Variants in MRPS27 observed in about 807,000 individuals in gnomAD.
MRPS27 encodes the protein small ribosomal subunit protein mS27.
In MRPS27, 43 loss-of-function variants were observed where a neutral mutation model predicts 48.9. That is an observed-to-expected ratio of 0.88 (90% CI 0.69 to 1.13). The LOEUF (loss-of-function observed/expected upper bound fraction) is 1.13. Among genes scored for constraint, MRPS27 ranks in the 50% most tolerant of loss-of-function variants. The pLI, the probability that MRPS27 is intolerant of heterozygous loss-of-function variation, is 0.00. For missense variants in MRPS27, 467 were observed against 476.3 expected (o/e 0.98, Z 0.18); for synonymous variants, 188 against 171.9 (o/e 1.09, Z -0.73).
chr5:72,242,665 T>TACAC (rs57589095), intron 4 of MRPS27, among the ~76,000 whole-genome samples: 9,832 of 134,172 alleles, frequency 0.073, 425 homozygotes, highest in African/African-American at 0.12. Flanking sequence ...AGACCCCGTC[T>TACAC]ACACACACAC....
intron 2 of MRPS27, among the ~76,000 whole-genome samples, chr5:72,301,069 A>G (rs1258850838): frequency 6.6e-6 from 1 of 152,258 alleles, no homozygotes; most frequent in Non-Finnish European, 1.5e-5. Flanking sequence ...GTATCAAGTA[A>G]TAAGGACACA....
In MRPS27 at chr5:72,269,189, C is replaced by T. The variant is rs1749172597; in HGVS notation, c.281+26342G>A. 2.0e-5 allele frequency among the ~76,000 whole-genome samples: 3 copies of T among 152,216 alleles called. No individual in the cohort carries two copies. The South Asian group carries it at 6.2e-4, about 32-fold the overall frequency. On this transcript the variant is annotated intron_variant, in intron 4 of 10. Transcript: ENST00000261413. ...AACAGGAACTAAAATTGGCTGTAGC[C>T]ACTGTGTACTAAGGTACAAGGCTGC...
chr5:72,259,416 C>A (rs532596447), intron 4 of MRPS27, among the ~76,000 whole-genome samples: 1 of 146,616 alleles, frequency 6.8e-6, no homozygotes, highest in East Asian at 2.0e-4. Context: ...TGCAGTGAGC[C>A]AAGATCATGC....
At chr5:72,303,882 CAAAAAAAAAAAA>C (rs397818748) in intron 2 of MRPS27, among the ~76,000 whole-genome samples, 1 of 69,164 alleles carries the variant, frequency 1.4e-5, no homozygotes, top group East Asian at 4.3e-4. Context: ...GACCTCATCT[CAAAAAAAAAAAA>C]AAAAAAAAAA....
chr5:72,265,565 A>G (rs1466835132), intron 4 of MRPS27, among the ~76,000 whole-genome samples: 1 of 152,248 alleles, frequency 6.6e-6, no homozygotes, highest in African/African-American at 2.4e-5. Context: ...GGCTATTCTC[A>G]AAATATGTGA....
intron 4 of MRPS27, among the ~76,000 whole-genome samples, chr5:72,266,540 T>C (rs1422649581): frequency 3.3e-5 from 5 of 152,170 alleles, no homozygotes; most frequent in African/African-American, 9.7e-5. Flanking sequence ...GAAAATGTTA[T>C]TGAACTACAG....
chr5:72,295,594 A>C lies in MRPS27; in HGVS notation c.223-5T>G. Reference sequence around the variant, plus strand: ...AGAGGAAATGTTGTCTATAAGCTAAAAGACAGAAAAAGAAACCTTTGGTTG... The same window carrying C: ...AGAGGAAATGTTGTCTATAAGCTAACAGACAGAAAAAGAAACCTTTGGTTG... On this transcript the variant is annotated splice_region_variant and splice_polypyrimidine_tract_variant and intron_variant, in intron 3 of 10. Coordinates refer to ENST00000261413, the MANE Select transcript of MRPS27 (RefSeq NM_015084.3). The C allele has an allele frequency of 6.2e-7, 1 of 1,601,636 alleles. No individual in the cohort carries two copies. Among genetic ancestry groups the C allele is most frequent in the East Asian group, 2.2e-5 (1 of 44,744 alleles).
intron 4 of MRPS27, among the ~76,000 whole-genome samples, chr5:72,254,217 G>C (rs1398657054): frequency 6.6e-6 from 1 of 152,216 alleles, no homozygotes; most frequent in Admixed American, 6.5e-5. Flanking sequence ...TATAAAACCA[G>C]CACGAAGGAA....
chr5:72,319,102 A>G (rs1399001869), intron 1 of MRPS27, among the ~76,000 whole-genome samples: 1 of 152,200 alleles, frequency 6.6e-6, no homozygotes, highest in East Asian at 1.9e-4. Flanking sequence ...GAAAGGGAAG[A>G]TAAGCGGCAA....
At chr5:72,246,802 C>T (rs1165466458) in intron 4 of MRPS27, among the ~76,000 whole-genome samples, 2 of 152,050 alleles carry the variant, frequency 1.3e-5, no homozygotes, top group Non-Finnish European at 2.9e-5. Context: ...AAATGATTTC[C>T]CCAAGATAGT....
intron 4 of MRPS27, among the ~76,000 whole-genome samples, chr5:72,244,870 GCTCTCTCT>G (rs5868631): frequency 0.064 from 9,644 of 149,670 alleles, 539 homozygotes; most frequent in African/African-American, 0.15. Context: ...AAGCTCTGCT[GCTCTCTCT>G]CTCTCTCTCT....
At chr5:72,297,007 T>C (rs950247258) in intron 3 of MRPS27, among the ~76,000 whole-genome samples, 7 of 152,222 alleles carry the variant, frequency 4.6e-5, no homozygotes, top group African/African-American at 1.7e-4. Flanking sequence ...CCTAGATATC[T>C]GGGTTTGAAT....
chr5:72,301,227 G>A (rs566050574), intron 2 of MRPS27, among the ~76,000 whole-genome samples: 202 of 152,256 alleles, frequency 1.3e-3, no homozygotes, highest in African/African-American at 4.6e-3. Context: ...AACTTGATAC[G>A]ATATGAAAGC....
At chr5:72,286,945 C>T (rs1749686823) in intron 4 of MRPS27, among the ~76,000 whole-genome samples, 2 of 152,174 alleles carry the variant, frequency 1.3e-5, no homozygotes, top group Admixed American at 1.3e-4. Flanking sequence ...TAAGCAGATT[C>T]CTTAGATATG....
At chr5:72,241,720 CAACT>C in intron 4 of MRPS27, 1 of 1,531,652 alleles carries the variant, frequency 6.5e-7, no homozygotes. Flanking sequence ...GAAAAGAATA[CAACT>C]AACACATTGA....
intron 2 of MRPS27, among the ~76,000 whole-genome samples, chr5:72,304,677 A>G (rs938178026): frequency 9.9e-5 from 15 of 152,246 alleles, no homozygotes; most frequent in South Asian, 2.1e-4. Context: ...CAAAATCTGT[A>G]GTACAGATGT....
intron 4 of MRPS27, among the ~76,000 whole-genome samples, chr5:72,259,482 A>AG (rs1748907509): frequency 2.0e-5 from 3 of 151,922 alleles, no homozygotes; most frequent in African/African-American, 7.3e-5. Context: ...AAAAAAAAAA[A>AG]AAAAATCCAA....
rs1189141723 is a variant in MRPS27, at chr5:72,267,629, A to T, written c.281+27902T>A. Among the ~76,000 whole-genome samples the T allele has an allele frequency of 2.6e-5, 4 of 152,232 alleles. No homozygotes were observed. In the East Asian group the frequency reaches 7.7e-4, roughly 29 times the overall value. ...CTCAGCTATGTTCCAAGCACAGCTA[A>T]GTTCTGGGAATATAAAATCAAATAA... On this transcript the variant is annotated intron_variant, in intron 4 of 10. Transcript: ENST00000261413.
intron 2 of MRPS27, among the ~76,000 whole-genome samples, chr5:72,301,402 G>T (rs947279452): frequency 1.3e-5 from 2 of 152,138 alleles, no homozygotes; most frequent in Non-Finnish European, 2.9e-5. Context: ...CAAATCTTTT[G>T]ATCATTTCAT....
Sources: gnomAD v4.1 joint callset for allele counts (sites outside exome capture counted in the v4.1 genomes callset) on GRCh38, gnomAD v4.1.1 for gene constraint, MANE v1.5 for transcripts, NCBI Gene and HGNC (gene_info 2026-07-23, HGNC 2026-07-21) for gene names.